The following ROBO1 variants were observed in gnomAD, a reference collection of about 807,000 sequenced individuals.
ROBO1 encodes the protein roundabout guidance receptor 1, also known as roundabout homolog 1.
A neutral mutation model predicts 195.9 loss-of-function variants in ROBO1; 149 were observed. The observed-to-expected ratio is 0.76, with a 90% CI of 0.67 to 0.87. ROBO1 has a LOEUF of 0.87. Ranked by LOEUF, ROBO1 falls within the 40% of genes least tolerant of loss-of-function variation. The probability of loss-of-function intolerance (pLI) is 0.00; values close to 1 mark genes in which losing one functional copy is unlikely to be tolerated. For synonymous variants in ROBO1, 816 were observed against 733.2 expected (o/e 1.11, Z -1.82); for missense variants, 1,933 against 2,068.3 (o/e 0.93, Z 1.27).
intron 3 of ROBO1, chr3:79,019,330 G>T (rs1454468868): frequency 1.0e-6 from 1 of 985,756 alleles, no homozygotes; most frequent in African/African-American, 1.7e-5. Flanking sequence ...CTCTCCCCGG[G>T]GTGGCAGAGA....
At chr3:79,020,495 C>T (rs1476647586) in intron 3 of ROBO1, among the ~76,000 whole-genome samples, 2 of 152,124 alleles carry the variant, frequency 1.3e-5, no homozygotes, top group African/African-American at 2.4e-5. Flanking sequence ...AGTTCGAGAC[C>T]AGCCTGACCA....
At chr3:79,093,547 A>T (rs900038219) in intron 3 of ROBO1, among the ~76,000 whole-genome samples, 12 of 152,090 alleles carry the variant, frequency 7.9e-5, no homozygotes, top group Non-Finnish European at 4.4e-5. Context: ...ATCATTATTT[A>T]AAAAAATTAA....
At chr3:79,466,501 A>G (rs1937966300) in intron 2 of ROBO1, among the ~76,000 whole-genome samples, 1 of 152,232 alleles carries the variant, frequency 6.6e-6, no homozygotes, top group Non-Finnish European at 1.5e-5. Flanking sequence ...TAAGAGTACA[A>G]TGAAGCTCAA....
intron 3 of ROBO1, among the ~76,000 whole-genome samples, chr3:79,083,098 G>A (rs1306518176): frequency 6.6e-6 from 1 of 152,124 alleles, no homozygotes; most frequent in Non-Finnish European, 1.5e-5. Context: ...TCGGGAGGCT[G>A]AGGTGAGAGA....
intron 3 of ROBO1, chr3:79,018,493 T>C: frequency 1.2e-6 from 2 of 1,613,428 alleles, no homozygotes; most frequent in Non-Finnish European, 1.7e-6. Flanking sequence ...TACAGTCTCA[T>C]GCCAAGAGGA....
chr3:79,423,344 C>A (rs568236429), intron 2 of ROBO1, among the ~76,000 whole-genome samples: 1 of 152,100 alleles, frequency 6.6e-6, no homozygotes, highest in Non-Finnish European at 1.5e-5. Flanking sequence ...GCTAAGGAAA[C>A]TTTGAGTTAT....
chr3:79,724,563 G>A (rs528337612), intron 1 of ROBO1, among the ~76,000 whole-genome samples: 228 of 152,262 alleles, frequency 1.5e-3, no homozygotes, highest in Non-Finnish European at 2.9e-3. Flanking sequence ...AAGATGCCAC[G>A]CTAGAGAGGA....
In ROBO1 at chr3:78,602,737, A is replaced by T. The variant is rs927583469; in HGVS notation, c.4745-2428T>A. Among the ~76,000 whole-genome samples the T allele has an allele frequency of 2.6e-5, 4 of 151,978 alleles. No individual in the cohort carries two copies. In the East Asian group the frequency reaches 7.7e-4, roughly 29 times the overall value. Reference sequence around the variant, plus strand: ...TTTTAATTCCTAAACTATGCCCCAAACCTTAGGCTCCTATAGGCACCCCAG... The same window carrying T: ...TTTTAATTCCTAAACTATGCCCCAATCCTTAGGCTCCTATAGGCACCCCAG... On this transcript the variant is annotated intron_variant, in intron 29 of 30. Coordinates refer to ENST00000464233, the MANE Select transcript of ROBO1 (RefSeq NM_002941.4).
intron 4 of ROBO1, among the ~76,000 whole-genome samples, chr3:78,802,510 A>C (rs572798241): frequency 6.6e-6 from 1 of 152,268 alleles, no homozygotes; most frequent in East Asian, 1.9e-4. Context: ...TATGTAACCA[A>C]GATACATCTA....
intron 2 of ROBO1, among the ~76,000 whole-genome samples, chr3:79,283,760 C>G (rs902215669): frequency 1.3e-5 from 2 of 149,916 alleles, no homozygotes; most frequent in Admixed American, 1.3e-4. Flanking sequence ...TGCAGTGGCG[C>G]GATCTCCGCT....
chr3:79,575,329 TAA>T (rs1481914618), intron 2 of ROBO1, among the ~76,000 whole-genome samples: 1 of 124,318 alleles, frequency 8.0e-6, no homozygotes, highest in Non-Finnish European at 1.6e-5. Flanking sequence ...AACATATATA[TAA>T]ATATATATAA....
chr3:79,199,431 C>T (rs564264898), intron 2 of ROBO1, among the ~76,000 whole-genome samples: 1 of 151,740 alleles, frequency 6.6e-6, no homozygotes, highest in Non-Finnish European at 1.5e-5. Flanking sequence ...GACTATCACT[C>T]CTTAATACTG....
Position 78,970,929 on chromosome 3 carries a change from CAA to C in ROBO1, c.173-32004_173-32003del, listed in dbSNP as rs749424067. 1.0e-4 allele frequency among the ~76,000 whole-genome samples: 13 copies of C among 129,000 alleles called. No individual in the cohort carries two copies. In the South Asian group the frequency reaches 2.2e-3, roughly 22 times the overall value. 84.6% of individuals were successfully genotyped at this position (129,000 alleles called of 152,430 possible). On this transcript the variant is annotated intron_variant, in intron 3 of 30. Transcript: ENST00000464233. ...GAGTGTTTATTGTTAGTATAGATTG[CAA>C]AAAAAAAAAAAGTCACTGTATCCTC...
At chr3:79,238,091 A>T (rs756019836) in intron 2 of ROBO1, among the ~76,000 whole-genome samples, 1 of 152,184 alleles carries the variant, frequency 6.6e-6, no homozygotes, top group Non-Finnish European at 1.5e-5. Flanking sequence ...ATAAAATTTG[A>T]TCTAGCTCTG....
At chr3:78,702,137 T>G (rs2081435138) in intron 8 of ROBO1, among the ~76,000 whole-genome samples, 1 of 152,190 alleles carries the variant, frequency 6.6e-6, no homozygotes, top group Non-Finnish European at 1.5e-5. Flanking sequence ...AATTATCAAG[T>G]GTAACTACTC....
intron 4 of ROBO1, among the ~76,000 whole-genome samples, chr3:78,913,112 C>T (rs1175071547): frequency 6.6e-6 from 1 of 152,044 alleles, no homozygotes; most frequent in African/African-American, 2.4e-5. Flanking sequence ...GACTAACTTT[C>T]CAGCCAACAA....
intron 2 of ROBO1, among the ~76,000 whole-genome samples, chr3:79,448,002 T>G (rs1431507253): frequency 1.3e-5 from 2 of 152,198 alleles, no homozygotes; most frequent in African/African-American, 4.8e-5. Flanking sequence ...TAAGAAATAA[T>G]GTTTACTGAG....
chr3:79,248,859 A>G (rs2082672081), intron 2 of ROBO1, among the ~76,000 whole-genome samples: 2 of 152,152 alleles, frequency 1.3e-5, no homozygotes, highest in African/African-American at 4.8e-5. Flanking sequence ...TAGGTTGCAT[A>G]TCAAGACATA....
At chr3:78,696,073 T>C (rs1575955431) in intron 8 of ROBO1, among the ~76,000 whole-genome samples, 1 of 148,610 alleles carries the variant, frequency 6.7e-6, no homozygotes, top group Non-Finnish European at 1.5e-5. Flanking sequence ...GTCCTTTCTA[T>C]GAAACAGGCA....
Sources: gnomAD v4.1 joint callset for allele counts (sites outside exome capture counted in the v4.1 genomes callset) on GRCh38, gnomAD v4.1.1 for gene constraint, MANE v1.5 for transcripts, NCBI Gene and HGNC (gene_info 2026-07-23, HGNC 2026-07-21) for gene names.